The following KIAA1217 variants were observed in gnomAD, a reference collection of about 807,000 sequenced individuals.
The protein encoded by KIAA1217 is KIAA1217, also known as sickle tail protein homolog.
A neutral mutation model predicts 163.9 loss-of-function variants in KIAA1217; 88 were observed. The ratio of observed to expected loss-of-function variants is 0.54; its 90% CI spans 0.45 to 0.64. The LOEUF is 0.64. KIAA1217 is among the 30% of genes least tolerant of loss of function. The probability of loss-of-function intolerance (pLI) is 0.00; values close to 1 mark genes in which losing one functional copy is unlikely to be tolerated. For synonymous variants in KIAA1217, 903 were observed against 923.1 expected (o/e 0.98, Z 0.39); for missense variants, 2,372 against 2,475.0 (o/e 0.96, Z 0.88).
chr10:23,936,132 G>A (rs937400718), intron 1 of KIAA1217, among the ~76,000 whole-genome samples: 4 of 152,154 alleles, frequency 2.6e-5, no homozygotes, highest in African/African-American at 9.7e-5. Flanking sequence ...CCTCACAGGA[G>A]GGAAGCAGGT....
chr10:24,359,188 C>G (rs1367099052), intron 2 of KIAA1217, among the ~76,000 whole-genome samples: 2 of 149,650 alleles, frequency 1.3e-5, no homozygotes, highest in African/African-American at 2.5e-5. Flanking sequence ...CTCCTAAGCT[C>G]AAGTGATTCT....
At chr10:23,860,971 T>TG (rs1387215324) in intron 1 of KIAA1217, among the ~76,000 whole-genome samples, 1 of 151,840 alleles carries the variant, frequency 6.6e-6, no homozygotes, top group Admixed American at 6.6e-5. Context: ...TGGAGTGCAG[T>TG]GGGGGGTCAT....
chr10:24,255,062 C>T (rs2074998239), intron 2 of KIAA1217, among the ~76,000 whole-genome samples: 1 of 152,106 alleles, frequency 6.6e-6, no homozygotes, highest in African/African-American at 2.4e-5. Context: ...ACCATGTTGG[C>T]CAGGCTGGTC....
intron 1 of KIAA1217, among the ~76,000 whole-genome samples, chr10:23,745,411 GGC>G (rs1342822438): frequency 6.6e-6 from 1 of 152,132 alleles, no homozygotes; most frequent in Non-Finnish European, 1.5e-5. Flanking sequence ...CGGTTTGTCT[GGC>G]TTGTGTTCCT....
At chr10:24,187,717 C>A (rs957403817) in intron 2 of KIAA1217, among the ~76,000 whole-genome samples, 12 of 147,948 alleles carry the variant, frequency 8.1e-5, no homozygotes, top group South Asian at 2.2e-4. Context: ...ATGGAGACAC[C>A]CCATCTCTAC....
intron 6 of KIAA1217, among the ~76,000 whole-genome samples, chr10:24,487,088 C>G (rs1439099207): frequency 6.6e-6 from 1 of 152,250 alleles, no homozygotes; most frequent in Non-Finnish European, 1.5e-5. Context: ...TCTCCGCTTG[C>G]CCTGGAACCC....
At chr10:24,009,064 A>T (rs1476692572) in intron 2 of KIAA1217, among the ~76,000 whole-genome samples, 1 of 152,218 alleles carries the variant, frequency 6.6e-6, no homozygotes, top group Non-Finnish European at 1.5e-5. Context: ...AGCACTAATC[A>T]TTCTCTCTTG....
At chr10:24,415,590 C>T (rs559451822) in intron 3 of KIAA1217, among the ~76,000 whole-genome samples, 5 of 152,208 alleles carry the variant, frequency 3.3e-5, no homozygotes, top group African/African-American at 9.6e-5. Flanking sequence ...AGAACACAAG[C>T]CACCAAATGA....
intron 2 of KIAA1217, among the ~76,000 whole-genome samples, chr10:24,325,436 AGT>A (rs10551348): frequency 0.15 from 23,310 of 152,106 alleles, 1,758 homozygotes; most frequent in Middle Eastern, 0.16. Context: ...GGCACCTAAG[AGT>A]AAGAGTGAGA....
At chr10:24,103,391 A>C (rs147992676) in intron 2 of KIAA1217, among the ~76,000 whole-genome samples, 101 of 152,332 alleles carry the variant, frequency 6.6e-4, no homozygotes, top group African/African-American at 2.2e-3. Context: ...CCATGAAATA[A>C]ATAATTGATA....
chr10:24,473,860 C>T lies in KIAA1217; in HGVS notation c.1479C>T (p.His493=), dbSNP rs200219421. Reference sequence around the variant, plus strand: ...ACATGCACGCTCACTATAATGCCCACGGCCCCCCTCACACCATGCAGCCAG... The same window carrying T: ...ACATGCACGCTCACTATAATGCCCATGGCCCCCCTCACACCATGCAGCCAG... ...MIDMHAHYNA[H]GPPHTMQPDR... is the part of the protein sequence containing the mutation. The change falls in exon 6 of 21, where the codon CAC becomes CAT. Residue 493 remains histidine (H), a synonymous_variant. Transcript: ENST00000376454. 1.2e-5 allele frequency: 19 copies of T among 1,614,012 alleles called. No individual in the cohort carries two copies. The highest frequency in any genetic ancestry group is 1.6e-4 in the Middle Eastern group (1 of 6,084).
intron 2 of KIAA1217, among the ~76,000 whole-genome samples, chr10:24,116,380 T>C (rs572432504): frequency 2.0e-5 from 3 of 152,114 alleles, no homozygotes; most frequent in African/African-American, 7.2e-5. Flanking sequence ...GCAAATATTT[T>C]GGGCTCTGCA....
intron 1 of KIAA1217, among the ~76,000 whole-genome samples, chr10:23,812,152 A>G (rs1434381297): frequency 6.6e-6 from 1 of 152,224 alleles, no homozygotes; most frequent in African/African-American, 2.4e-5. Flanking sequence ...GGATGTTTCC[A>G]TAAGACAATT....
intron 2 of KIAA1217, among the ~76,000 whole-genome samples, chr10:24,090,673 C>A (rs2061906600): frequency 6.6e-6 from 1 of 151,696 alleles, no homozygotes; most frequent in Middle Eastern, 3.2e-3. Flanking sequence ...CCAGCATAGA[C>A]CAACTTCTCT....
chr10:24,354,585 C>T (rs191691543), intron 2 of KIAA1217, among the ~76,000 whole-genome samples: 177 of 152,268 alleles, frequency 1.2e-3, no homozygotes, highest in African/African-American at 3.4e-3. Context: ...ATGGTAAATG[C>T]GGGGGATTTT....
intron 12 of KIAA1217, among the ~76,000 whole-genome samples, chr10:24,522,587 G>A (rs1324736131): frequency 1.3e-5 from 2 of 152,172 alleles, no homozygotes; most frequent in African/African-American, 2.4e-5. Context: ...CCTGCTCACC[G>A]AAGAGGTCAC....
intron 2 of KIAA1217, among the ~76,000 whole-genome samples, chr10:24,334,011 G>C (rs1156257255): frequency 1.3e-5 from 2 of 152,188 alleles, no homozygotes; most frequent in Non-Finnish European, 2.9e-5. Context: ...TTTAAAAGAA[G>C]AGAGTATGAC....
chr10:24,486,648 T>C (rs1285795596), intron 6 of KIAA1217, among the ~76,000 whole-genome samples: 1 of 152,158 alleles, frequency 6.6e-6, no homozygotes, highest in Non-Finnish European at 1.5e-5. Context: ...TCCCACAGCC[T>C]AGAACGTTCC....
intron 9 of KIAA1217, among the ~76,000 whole-genome samples, chr10:24,510,912 T>C (rs564301086): frequency 3.3e-5 from 5 of 152,258 alleles, no homozygotes; most frequent in Admixed American, 3.3e-4. Context: ...CTTATCAATG[T>C]TACTGATTCA....
Sources: gnomAD v4.1 joint callset for allele counts (sites outside exome capture counted in the v4.1 genomes callset) on GRCh38, gnomAD v4.1.1 for gene constraint, MANE v1.5 for transcripts, NCBI Gene and HGNC (gene_info 2026-07-23, HGNC 2026-07-21) for gene names.